PTPN11: variants seen among roughly 807,000 people sequenced by gnomAD.
The protein encoded by PTPN11 is tyrosine-protein phosphatase non-receptor type 11.
A neutral mutation model predicts 78.8 loss-of-function variants in PTPN11; 6 were observed. That is an observed-to-expected ratio of 0.08 (90% CI 0.04 to 0.15). The LOEUF is 0.15. Among genes scored for constraint, PTPN11 ranks in the 10% least tolerant of loss-of-function variants. The pLI, the probability that PTPN11 is intolerant of heterozygous loss-of-function variation, is 1.00. For synonymous variants in PTPN11, 221 were observed against 263.5 expected, an observed-to-expected ratio of 0.84 and a Z score of 1.56; for missense variants, 386 against 744.8, an observed-to-expected ratio of 0.52 and a Z score of 5.61.
rs937761361 is a variant in PTPN11, at chr12:112,507,565, C to T, written c.*1773C>T. Reference sequence around the variant, plus strand: ...ATTAAGTGCCTTCTCCAAAGACATCCCTCTTTGCCTCATATGTTGAATCAT... The same window carrying T: ...ATTAAGTGCCTTCTCCAAAGACATCTCTCTTTGCCTCATATGTTGAATCAT... On this transcript the variant is annotated 3_prime_UTR_variant, in exon 16 of 16. Coordinates refer to ENST00000351677, the MANE Select transcript of PTPN11 (RefSeq NM_002834.5). 2.0e-5 allele frequency: 3 copies of T among 152,790 alleles called. No individual in the cohort carries two copies. The highest frequency in any genetic ancestry group is 7.2e-5 in the African/African-American group (3 of 41,462). 9.5% of individuals were successfully genotyped at this position (152,790 alleles called of 1,614,324 possible).
chr12:112,441,164 A>G (rs1262650319), intron 1 of PTPN11, among the ~76,000 whole-genome samples: 1 of 151,228 alleles, frequency 6.6e-6, no homozygotes, highest in Non-Finnish European at 1.5e-5. Context: ...GGGTTTCTCC[A>G]TGTTGGTCAG....
chr12:112,422,513 G>A (rs1366124632), intron 1 of PTPN11, among the ~76,000 whole-genome samples: 7 of 152,222 alleles, frequency 4.6e-5, no homozygotes, highest in East Asian at 3.9e-4. Flanking sequence ...AAATCCATAC[G>A]CGACGATGAG....
At chr12:112,502,477 G>A (rs2038888221) in intron 14 of PTPN11, among the ~76,000 whole-genome samples, 1 of 152,170 alleles carries the variant, frequency 6.6e-6, no homozygotes, top group Admixed American at 6.5e-5. Context: ...CAGGCACGGT[G>A]GCTAACGCCT....
rs1036729493 is a variant in PTPN11, at chr12:112,508,089, G to A, written c.*2297G>A. ...GTCTTTCACCAGCACACAAGAGTTT[G>A]ATTGTACAAATATATCTTCTGCATT... is the stretch of plus-strand genomic sequence containing the variant. On this transcript the variant is annotated 3_prime_UTR_variant, in exon 16 of 16. Coordinates refer to ENST00000351677, the MANE Select transcript of PTPN11 (RefSeq NM_002834.5). The A allele has an allele frequency of 1.3e-5, 2 of 152,660 alleles. No homozygotes were observed. Among genetic ancestry groups the A allele is most frequent in the African/African-American group, 4.8e-5 (2 of 41,452 alleles). 9.5% of individuals were successfully genotyped at this position (152,660 alleles called of 1,614,324 possible).
intron 1 of PTPN11, among the ~76,000 whole-genome samples, chr12:112,422,406 C>T (rs1467442730): frequency 6.6e-6 from 1 of 152,166 alleles, no homozygotes; most frequent in Non-Finnish European, 1.5e-5. Context: ...TGCTTCTCTG[C>T]CCTTTTCTGC....
intron 11 of PTPN11, 110 bp downstream of exon 11, chr12:112,486,739 T>C: frequency 6.5e-7 from 1 of 1,538,972 alleles, no homozygotes; most frequent in Non-Finnish European, 8.8e-7. Flanking sequence ...AAGAATTTAA[T>C]ATCTGTTTGA....
intron 13 of PTPN11, 58 bp from the exon 14 acceptor site, chr12:112,502,085 GC>G (rs2038880896): frequency 1.9e-5 from 25 of 1,324,036 alleles, no homozygotes; most frequent in Non-Finnish European, 2.1e-5. Flanking sequence ...TACCTTTTTT[GC>G]TTTTTATCCC....
chr12:112,428,202 A>G (rs1481186425), intron 1 of PTPN11, among the ~76,000 whole-genome samples: 3 of 152,162 alleles, frequency 2.0e-5, no homozygotes, highest in Non-Finnish European at 4.4e-5. Context: ...ATTAACTGTA[A>G]TCATTCTGTA....
chr12:112,419,152 G>T, intron 1 of PTPN11, 27 bp downstream of exon 1: 1 of 1,500,756 alleles, frequency 6.7e-7, no homozygotes, highest in Admixed American at 2.1e-5. Context: ...GGCCCGGCGC[G>T]GGCCTCGGCC....
intron 6 of PTPN11, among the ~76,000 whole-genome samples, chr12:112,468,709 C>A (rs2038367459): frequency 6.6e-6 from 1 of 152,180 alleles, no homozygotes; most frequent in African/African-American, 2.4e-5. Flanking sequence ...GCCATCTTGA[C>A]TGTGCACTGT....
At chr12:112,464,761 T>G (rs1217408995) in intron 6 of PTPN11, among the ~76,000 whole-genome samples, 1 of 152,136 alleles carries the variant, frequency 6.6e-6, no homozygotes, top group Admixed American at 6.6e-5. Context: ...GGTCTCACTA[T>G]CTTGCCCAGG....
At chr12:112,442,978 C>T (rs1555266917) in intron 1 of PTPN11, among the ~76,000 whole-genome samples, 1 of 146,486 alleles carries the variant, frequency 6.8e-6, no homozygotes, top group Non-Finnish European at 1.5e-5. Context: ...TACATGTGTA[C>T]ATATATGTGT....
chr12:112,426,366 C>T (rs970549571), intron 1 of PTPN11, among the ~76,000 whole-genome samples: 13 of 152,164 alleles, frequency 8.5e-5, no homozygotes, highest in African/African-American at 3.1e-4. Flanking sequence ...ACGCGATTCT[C>T]CTGCCTCAGC....
rs369939493 is a variant in PTPN11 at position 112,503,652 on chromosome 12, A to T, written c.1713-1043A>T. On this transcript the variant is annotated intron_variant, in intron 14 of 15. Transcript: ENST00000351677. Reference sequence around the variant, plus strand: ...ATGGAACTGGAATGCCAGGGTTCTGAGTCCTTGCCAGACAGCTCGTCCCTC... The same window carrying T: ...ATGGAACTGGAATGCCAGGGTTCTGTGTCCTTGCCAGACAGCTCGTCCCTC... 1.1e-4 allele frequency among the ~76,000 whole-genome samples: 16 copies of T among 152,276 alleles called. No individual in the cohort carries two copies. In the East Asian group the frequency reaches 2.5e-3, roughly 24 times the overall value.
chr12:112,499,363 T>G, intron 13 of PTPN11, among the ~76,000 whole-genome samples: 1 of 151,776 alleles, frequency 6.6e-6, no homozygotes, highest in East Asian at 1.9e-4. Context: ...TGAGATGGAG[T>G]CTCACTCCAT....
At chr12:112,478,705 A>C (rs1179156799) in intron 9 of PTPN11, among the ~76,000 whole-genome samples, 1 of 151,652 alleles carries the variant, frequency 6.6e-6, no homozygotes, top group Non-Finnish European at 1.5e-5. Flanking sequence ...CATTTTCCTT[A>C]CCTTTTGAAT....
intron 13 of PTPN11, among the ~76,000 whole-genome samples, chr12:112,499,641 A>G (rs1013912161): frequency 6.6e-6 from 1 of 151,804 alleles, no homozygotes; most frequent in African/African-American, 2.4e-5. Context: ...GCCCGGCGGG[A>G]TAAGTTTTAA....
Position 112,421,801 on chromosome 12 carries a change from A to T in PTPN11, c.14+2676A>T, listed in dbSNP as rs1262994778. 3.3e-5 allele frequency among the ~76,000 whole-genome samples: 5 copies of T among 151,714 alleles called. No homozygotes were observed. The East Asian group carries it at 9.7e-4, about 29-fold the overall frequency. On this transcript the variant is annotated intron_variant, in intron 1 of 15. Transcript: ENST00000351677. ...ACCACCACACCCGGCTAATTTTTGT[A>T]TTTTTTTATAGAGACAGGGTTTTGC...
At chr12:112,499,360 G>A (rs2135926454) in intron 13 of PTPN11, among the ~76,000 whole-genome samples, 1 of 151,430 alleles carries the variant, frequency 6.6e-6, no homozygotes, top group Non-Finnish European at 1.5e-5. Flanking sequence ...TTTTGAGATG[G>A]AGTCTCACTC....
Sources: gnomAD v4.1 joint callset for allele counts (sites outside exome capture counted in the v4.1 genomes callset) on GRCh38, gnomAD v4.1.1 for gene constraint, MANE v1.5 for transcripts, NCBI Gene and HGNC (gene_info 2026-07-23, HGNC 2026-07-21) for gene names.